Variants in PCSK2 observed in about 807,000 individuals in gnomAD.
The protein encoded by PCSK2 is neuroendocrine convertase 2.
Under a neutral mutation model 69.7 loss-of-function variants are expected in PCSK2, and 14 were observed. The observed-to-expected ratio is 0.20, with a 90% CI of 0.13 to 0.31. The LOEUF is 0.31. PCSK2 is among the 10% of genes least tolerant of loss of function. The probability of loss-of-function intolerance (pLI) is 1.00; values close to 1 mark genes in which losing one functional copy is unlikely to be tolerated. For synonymous variants in PCSK2, 307 were observed against 320.7 expected, an observed-to-expected ratio of 0.96 and a Z score of 0.46; for missense variants, 544 against 842.5, an observed-to-expected ratio of 0.65 and a Z score of 4.39.
chr20:17,348,186 A>G (rs956444102), intron 2 of PCSK2, among the ~76,000 whole-genome samples: 2 of 152,184 alleles, frequency 1.3e-5, no homozygotes, highest in Non-Finnish European at 2.9e-5. Flanking sequence ...GCAGATGGGG[A>G]CTTGTGTTGC....
chr20:17,274,792 T>C (rs182626252), intron 2 of PCSK2, among the ~76,000 whole-genome samples: 57 of 152,052 alleles, frequency 3.7e-4, no homozygotes, highest in Non-Finnish European at 1.3e-4. Flanking sequence ...TGTAATTTAT[T>C]ATGCAGCAAT....
intron 1 of PCSK2, among the ~76,000 whole-genome samples, chr20:17,244,694 T>C (rs1419246900): frequency 1.3e-5 from 2 of 152,184 alleles, no homozygotes; most frequent in African/African-American, 2.4e-5. Flanking sequence ...TTCACAATGG[T>C]TACTCAAGTG....
chr20:17,479,051 A>T, intron 11 of PCSK2: 1 of 1,146,532 alleles, frequency 8.7e-7, no homozygotes, highest in Non-Finnish European at 1.3e-6. Context: ...ACAAATTCTT[A>T]AGTTAATGGC....
chr20:17,471,286 T>C (rs773538474), intron 11 of PCSK2, among the ~76,000 whole-genome samples: 23 of 152,210 alleles, frequency 1.5e-4, no homozygotes, highest in Non-Finnish European at 2.9e-4. Context: ...CTGTAAGGAA[T>C]CTGAGGTCCG....
intron 1 of PCSK2, among the ~76,000 whole-genome samples, chr20:17,236,343 C>T (rs1396415839): frequency 2.6e-5 from 4 of 151,984 alleles, no homozygotes; most frequent in Non-Finnish European, 2.9e-5. Context: ...TATTGTGTCT[C>T]ATATTTAGGA....
intron 7 of PCSK2, 125 bp from the exon 8 acceptor site, chr20:17,436,583 T>C: frequency 1.4e-6 from 1 of 730,222 alleles, no homozygotes. Flanking sequence ...GACTGCACAG[T>C]GGCCCCAGAG....
At chr20:17,439,418 G>A (rs568772810) in intron 8 of PCSK2, among the ~76,000 whole-genome samples, 12 of 152,084 alleles carry the variant, frequency 7.9e-5, no homozygotes, top group East Asian at 3.9e-4. Context: ...CACTGCACCC[G>A]GCCTCTTCCA....
At chr20:17,419,205 T>G (rs1164797227) in intron 6 of PCSK2, among the ~76,000 whole-genome samples, 1 of 152,214 alleles carries the variant, frequency 6.6e-6, no homozygotes, top group African/African-American at 2.4e-5. Context: ...ACTTCATACA[T>G]ATGCAGAACT....
intron 2 of PCSK2, among the ~76,000 whole-genome samples, chr20:17,315,527 C>A (rs1989657058): frequency 6.6e-6 from 1 of 152,166 alleles, no homozygotes; most frequent in Non-Finnish European, 1.5e-5. Context: ...GGGTCTCTGT[C>A]GGACCTGCGA....
At chr20:17,433,421 G>A (rs1299712924) in intron 7 of PCSK2, among the ~76,000 whole-genome samples, 1 of 152,194 alleles carries the variant, frequency 6.6e-6, no homozygotes, top group African/African-American at 2.4e-5. Flanking sequence ...TAATATTCAT[G>A]AGCACAAAAA....
In PCSK2 at chr20:17,260,349, G is replaced by C. The variant is rs1987331921; in HGVS notation, c.282+5G>C. On this transcript the variant is annotated splice_donor_5th_base_variant and intron_variant, in intron 2 of 11. Coordinates refer to ENST00000262545, the MANE Select transcript of PCSK2 (RefSeq NM_002594.5). Reference sequence around the variant, plus strand: ...CAGCTGGAGAGAGACCCCAGGGTGAGTTTTCCCCAGAAACCTGCCTCCCAA... The same window carrying C: ...CAGCTGGAGAGAGACCCCAGGGTGACTTTTCCCCAGAAACCTGCCTCCCAA... 6.3e-7 allele frequency: 1 copy of C among 1,594,192 alleles called. No homozygotes were observed. Among genetic ancestry groups the C allele is most frequent in the African/African-American group, 1.3e-5 (1 of 74,582 alleles).
At chr20:17,468,198 G>A (rs910382253) in intron 11 of PCSK2, among the ~76,000 whole-genome samples, 24 of 146,760 alleles carry the variant, frequency 1.6e-4, no homozygotes, top group African/African-American at 5.1e-4. Context: ...GCATCCTGCC[G>A]TAGACGAGCA....
chr20:17,442,078 T>C (rs915540607), intron 8 of PCSK2, among the ~76,000 whole-genome samples: 3 of 147,692 alleles, frequency 2.0e-5, no homozygotes, highest in Non-Finnish European at 4.5e-5. Context: ...GAGAACAGCA[T>C]GTGAAGATGA....
intron 2 of PCSK2, among the ~76,000 whole-genome samples, chr20:17,269,214 T>C (rs1285754505): frequency 6.6e-6 from 1 of 152,102 alleles, no homozygotes; most frequent in Non-Finnish European, 1.5e-5. Context: ...TTGAGAGGCA[T>C]CCATCTATTG....
At chr20:17,408,303 G>A (rs1429855173) in intron 5 of PCSK2, among the ~76,000 whole-genome samples, 6 of 151,994 alleles carry the variant, frequency 3.9e-5, no homozygotes, top group Admixed American at 1.3e-4. Context: ...GAAGGGAATG[G>A]GGAAGGAATG....
At chr20:17,364,456 G>A (rs1366399611) in intron 4 of PCSK2, among the ~76,000 whole-genome samples, 1 of 152,186 alleles carries the variant, frequency 6.6e-6, no homozygotes, top group Admixed American at 6.5e-5. Context: ...CATGTGGCTG[G>A]GGAGGCCTCA....
At chr20:17,480,194 T>A (rs1335978998) in intron 11 of PCSK2, among the ~76,000 whole-genome samples, 3 of 110,038 alleles carry the variant, frequency 2.7e-5, no homozygotes, top group African/African-American at 9.9e-5. Context: ...CTTTTTTTTT[T>A]TTTTTTTTTT....
chr20:17,330,365 G>A (rs1001317487), intron 2 of PCSK2, among the ~76,000 whole-genome samples: 4 of 152,222 alleles, frequency 2.6e-5, no homozygotes, highest in African/African-American at 7.2e-5. Flanking sequence ...AGGCCGAGGC[G>A]GGAGTATTAA....
intron 1 of PCSK2, among the ~76,000 whole-genome samples, chr20:17,248,600 T>C (rs2122969583): frequency 6.6e-6 from 1 of 152,318 alleles, no homozygotes. Flanking sequence ...GGTTAGTCTT[T>C]TGTTAGGTTC....
Sources: allele counts gnomAD v4.1 joint callset (sites outside exome capture counted in the v4.1 genomes callset), GRCh38; gene constraint gnomAD v4.1.1; transcripts MANE v1.5; gene names NCBI Gene and HGNC (gene_info 2026-07-23, HGNC 2026-07-21).